Variants in ASAP1 observed in about 807,000 individuals in gnomAD.
The protein encoded by ASAP1 is ArfGAP with SH3 domain, ankyrin repeat and PH domain 1.
Under a neutral mutation model 145.2 loss-of-function variants are expected in ASAP1, and 43 were observed. The observed-to-expected ratio is 0.30, with a 90% confidence interval of 0.23 to 0.38. ASAP1 has a LOEUF of 0.38. Among genes scored for constraint, ASAP1 ranks in the 10% least tolerant of loss-of-function variants. ASAP1 has a pLI of 1.00. For synonymous variants in ASAP1, 546 were observed against 515.5 expected (o/e 1.06, Z -0.80); for missense variants, 1,018 against 1,355.3 (o/e 0.75, Z 3.91).
At chr8:130,155,423 G>A (rs918755342) in intron 12 of ASAP1, among the ~76,000 whole-genome samples, 13 of 152,340 alleles carry the variant, frequency 8.5e-5, no homozygotes, top group Non-Finnish European at 1.6e-4. Flanking sequence ...CTAGAGTGCA[G>A]TGGTGCGATC....
chr8:130,096,854 G>C (rs2097518992), intron 24 of ASAP1, among the ~76,000 whole-genome samples: 1 of 151,976 alleles, frequency 6.6e-6, no homozygotes, highest in African/African-American at 2.4e-5. Context: ...GGCCGGGCAT[G>C]GTGGCTCACA....
intron 4 of ASAP1, among the ~76,000 whole-genome samples, chr8:130,222,577 C>T (rs994944470): frequency 2.6e-5 from 4 of 152,112 alleles, no homozygotes; most frequent in African/African-American, 2.4e-5. Context: ...TATTGTGTGC[C>T]ACAATATCTA....
At chr8:130,221,713 T>C (rs919931041) in intron 4 of ASAP1, among the ~76,000 whole-genome samples, 2 of 152,184 alleles carry the variant, frequency 1.3e-5, no homozygotes, top group African/African-American at 2.4e-5. Context: ...TCCATATAAT[T>C]TGCAGATGTC....
intron 3 of ASAP1, chr8:130,340,816 C>T (rs1825327702): frequency 2.3e-6 from 1 of 436,878 alleles, no homozygotes; most frequent in South Asian, 1.6e-5. Context: ...AGCACACTAC[C>T]AGGCTCCAAA....
rs905755447 is a variant in ASAP1, at chr8:130,366,886, C to CTTTTTTTTTTTTTTTTTTTTTTTTT, written c.60-8744_60-8743insAAAAAAAAAAAAAAAAAAAAAAAAA. Reference sequence around the variant, plus strand: ...TCTAAACAGGTACTATGCTAGATTCCTTTTTTTTTTTTTTTTTTTTTTGAG... The same window carrying CTTTTTTTTTTTTTTTTTTTTTTTTT: ...TCTAAACAGGTACTATGCTAGATTCCTTTTTTTTTTTTTTTTTTTTTTTTTTTTTTTTTTTTTTTTTTTTTTTGAG... On this transcript the variant is annotated intron_variant, in intron 2 of 29. Coordinates refer to ENST00000518721, the MANE Select transcript of ASAP1 (RefSeq NM_018482.4). Among the ~76,000 whole-genome samples, 22 of 99,196 alleles carry CTTTTTTTTTTTTTTTTTTTTTTTTT rather than the reference C, an allele frequency of 2.2e-4. 1 individual carries two copies. Among genetic ancestry groups the CTTTTTTTTTTTTTTTTTTTTTTTTT allele is most frequent in the South Asian group, 1.3e-3 (3 of 2,280 alleles). The allele number at this position is 99,196 out of a possible 152,430, so 65.1% of individuals were successfully genotyped here. A position where few individuals can be genotyped will look rare whatever the true frequency, so the allele number is the denominator to read the frequency against.
intron 15 of ASAP1, among the ~76,000 whole-genome samples, chr8:130,133,707 C>G (rs1427261087): frequency 6.6e-6 from 1 of 151,808 alleles, no homozygotes; most frequent in South Asian, 2.1e-4. Flanking sequence ...AAACAAAAAA[C>G]TCCAACCCAG....
chr8:130,058,129 A>G, intron 28 of ASAP1, 53 bp from the exon 29 acceptor site: 4 of 1,591,960 alleles, frequency 2.5e-6, no homozygotes, highest in Non-Finnish European at 3.4e-6. Context: ...ATGGAAAAAA[A>G]GAGCAGCGGT....
chr8:130,429,550 C>T lies in ASAP1; in HGVS notation c.-28+13910G>A, dbSNP rs1196227261. ...TAGGACCCACACCTAAGTCCAGGAT[C>T]CAAACTCTTACCAGCCATCCATACC... On this transcript the variant is annotated intron_variant, in intron 1 of 29. Transcript: ENST00000518721. 4.6e-5 allele frequency among the ~76,000 whole-genome samples: 7 copies of T among 152,332 alleles called. No homozygotes were observed. The South Asian group carries it at 1.2e-3, about 27-fold the overall frequency.
chr8:130,376,466 G>A (rs1474450724), intron 2 of ASAP1, among the ~76,000 whole-genome samples: 1 of 152,150 alleles, frequency 6.6e-6, no homozygotes, highest in Non-Finnish European at 1.5e-5. Flanking sequence ...GGTGGCTCAC[G>A]CCTGTAATCC....
chr8:130,362,604 A>G (rs1389948336), intron 2 of ASAP1, among the ~76,000 whole-genome samples: 1 of 152,188 alleles, frequency 6.6e-6, no homozygotes, highest in Non-Finnish European at 1.5e-5. Flanking sequence ...CACGACTCAG[A>G]TATCTCTAAA....
chr8:130,302,997 A>G (rs1437145158), intron 3 of ASAP1, among the ~76,000 whole-genome samples: 1 of 152,032 alleles, frequency 6.6e-6, no homozygotes, highest in African/African-American at 2.4e-5. Context: ...TCACCACGGG[A>G]AAAAAAAGAG....
chr8:130,372,253 C>G (rs887137510), intron 2 of ASAP1, among the ~76,000 whole-genome samples: 1 of 152,226 alleles, frequency 6.6e-6, no homozygotes, highest in African/African-American at 2.4e-5. Context: ...TTTACACAAC[C>G]CTTGCACAAT....
chr8:130,136,488 G>T (rs1161558920), intron 14 of ASAP1, among the ~76,000 whole-genome samples: 2 of 151,714 alleles, frequency 1.3e-5, no homozygotes, highest in Admixed American at 6.6e-5. Flanking sequence ...TACAGATATA[G>T]TGGCACATCT....
At chr8:130,400,828 G>A (rs1045497016) in intron 2 of ASAP1, among the ~76,000 whole-genome samples, 1 of 151,940 alleles carries the variant, frequency 6.6e-6, no homozygotes, top group Non-Finnish European at 1.5e-5. Flanking sequence ...TGCAGTAAGG[G>A]AAAATTGACT....
chr8:130,262,447 AG>A (rs1334459079), intron 3 of ASAP1, among the ~76,000 whole-genome samples: 2 of 102,298 alleles, frequency 2.0e-5, no homozygotes, highest in Non-Finnish European at 4.2e-5. Context: ...AGAGAGAGAG[AG>A]AGAGAGAGAA....
At chr8:130,238,712 A>G (rs566960749) in intron 3 of ASAP1, among the ~76,000 whole-genome samples, 1 of 152,292 alleles carries the variant, frequency 6.6e-6, no homozygotes, top group East Asian at 1.9e-4. Context: ...AAGGAAATGT[A>G]GTAGACCTTC....
intron 2 of ASAP1, among the ~76,000 whole-genome samples, chr8:130,393,796 C>T (rs1388511601): frequency 2.0e-5 from 3 of 152,108 alleles, no homozygotes; most frequent in Non-Finnish European, 4.4e-5. Flanking sequence ...CCAGCTGAAG[C>T]CGTGGCAGAA....
intron 3 of ASAP1, among the ~76,000 whole-genome samples, chr8:130,353,056 T>C (rs1175201841): frequency 1.3e-5 from 2 of 152,240 alleles, no homozygotes; most frequent in Non-Finnish European, 2.9e-5. Flanking sequence ...ATTGACTACA[T>C]GGTAATTTGA....
intron 1 of ASAP1, among the ~76,000 whole-genome samples, chr8:130,439,013 C>G (rs1197386474): frequency 6.6e-6 from 1 of 152,192 alleles, no homozygotes; most frequent in African/African-American, 2.4e-5. Flanking sequence ...CAGATGGAAT[C>G]AAGGTTGCTA....
Sources: gnomAD v4.1 joint callset for allele counts (sites outside exome capture counted in the v4.1 genomes callset) on GRCh38, gnomAD v4.1.1 for gene constraint, MANE v1.5 for transcripts, NCBI Gene and HGNC (gene_info 2026-07-23, HGNC 2026-07-21) for gene names.